Variants in HOXB6 observed in about 807,000 individuals in gnomAD.
The protein encoded by HOXB6 is homeobox B6, also known as homeobox protein Hox-B6.
In HOXB6, 18 loss-of-function variants were observed where a neutral mutation model predicts 24.2. That is an observed-to-expected ratio of 0.74 (90% CI 0.51 to 1.10). The LOEUF (loss-of-function observed/expected upper bound fraction) is 1.10. HOXB6 is among the 50% of genes least tolerant of loss of function. The pLI, the probability that HOXB6 is intolerant of heterozygous loss-of-function variation, is 0.00. For synonymous variants in HOXB6, 159 were observed against 139.1 expected (o/e 1.14, Z -1.01); for missense variants, 332 against 308.3 (o/e 1.08, Z -0.58).
chr17:48,597,014 C>T, intron 3 of HOXB6: 1 of 1,192,644 alleles, frequency 8.4e-7, no homozygotes, highest in Non-Finnish European at 1.1e-6. Flanking sequence ...ATCCCCCCAA[C>T]CCAATGATAA....
intron 3 of HOXB6, 127 bp downstream of exon 3, chr17:48,597,609 T>C (rs1195041814): frequency 4.9e-6 from 5 of 1,023,708 alleles, no homozygotes; most frequent in South Asian, 4.2e-5. Flanking sequence ...AATCTTCTTC[T>C]ATCTCCTAAC....
At position 48,596,172 on chromosome 17, in the gene HOXB6, G is replaced by A. The variant is rs542949818; in HGVS notation, c.*241C>T. On this transcript the variant is annotated 3_prime_UTR_variant, in exon 4 of 4. Coordinates refer to ENST00000225648, the MANE Select transcript of HOXB6 (RefSeq NM_018952.5). The surrounding 1 kb of genome is among the most constrained non-coding windows in gnomAD (Gnocchi z 4.8). ...CCAGGAAGCCTGATCAGGCTGAGGC[G>A]AGTTCCTCGGGAAGGAAGGGCGCGC... The A allele has an allele frequency of 1.4e-6, 1 of 690,508 alleles. No individual in the cohort carries two copies. The highest frequency in any genetic ancestry group is 2.8e-5 in the East Asian group (1 of 35,796). 42.8% of individuals were successfully genotyped at this position (690,508 alleles called of 1,614,324 possible). A position where few individuals can be genotyped will look rare whatever the true frequency, so the allele number is the denominator to read the frequency against.
At chr17:48,601,219 A>G (rs964443998) in intron 2 of HOXB6, among the ~76,000 whole-genome samples, 8 of 151,978 alleles carry the variant, frequency 5.3e-5, no homozygotes, top group Non-Finnish European at 2.9e-5. Flanking sequence ...GGGTTTGGGG[A>G]ACATAAATAA....
At position 48,597,819 on chromosome 17, in the gene HOXB6, T is replaced by C. The variant is rs2070348832; in HGVS notation, c.332A>G (p.Asp111Gly). 1.2e-6 allele frequency: 2 copies of C among 1,607,670 alleles called. No individual in the cohort carries two copies. The highest frequency in any genetic ancestry group is 1.3e-5 in the African/African-American group (1 of 74,872). Reference protein sequence around the residue: ...PEPRKSDCAQDKSVFGETEEQ... With the variant: ...PEPRKSDCAQGKSVFGETEEQ... ...TTCTGTCTCGCCGAACACGCTCTTG[T>C]CCTGCGCGCAGTCCGACTTCCGCGG... is the stretch of plus-strand genomic sequence containing the variant. The change falls in exon 3 of 4, where the codon GAC becomes GGC. Residue 111 changes from aspartate to glycine, a missense_variant. By Grantham distance (94) the Asp-to-Gly change is moderately conservative. Coordinates refer to ENST00000225648, the MANE Select transcript of HOXB6 (RefSeq NM_018952.5).
At chr17:48,597,665 C>G in intron 3 of HOXB6, 71 bp downstream of exon 3, 1 of 1,509,676 alleles carries the variant, frequency 6.6e-7, no homozygotes, top group Non-Finnish European at 9.1e-7. Context: ...GCAGGGGGCG[C>G]TCACTAGTTC....
chr17:48,602,264 G>C (rs1336006484), intron 2 of HOXB6: 1 of 455,786 alleles, frequency 2.2e-6, no homozygotes. Context: ...TGGAACTGAC[G>C]GGGCCGGCGC....
rs139172289 is a variant in HOXB6, at chr17:48,595,804, T to TATTATTATCATC, written c.*608_*609insGATGATAATAAT. Reference sequence around the variant, plus strand: ...TTGTTGTTGTTATTATTATTATTATTATCATCATCATCATCATCATCATCA... The same window carrying TATTATTATCATC: ...TTGTTGTTGTTATTATTATTATTATTATTATTATCATCATCATCATCATCATCATCATCATCA... On this transcript the variant is annotated 3_prime_UTR_variant, in exon 4 of 4. Coordinates refer to ENST00000225648, the MANE Select transcript of HOXB6 (RefSeq NM_018952.5). 1 of 190,232 alleles carries TATTATTATCATC rather than the reference T, an allele frequency of 5.3e-6. No homozygotes were observed. The highest frequency in any genetic ancestry group is 7.6e-5 in the South Asian group (1 of 13,240). 11.8% of individuals were successfully genotyped at this position (190,232 alleles called of 1,614,324 possible).
intron 2 of HOXB6, among the ~76,000 whole-genome samples, chr17:48,600,991 C>CGCGT (rs1555645437): frequency 1.4e-5 from 2 of 145,660 alleles, no homozygotes; most frequent in Non-Finnish European, 3.0e-5. Context: ...GGGATATTTG[C>CGCGT]GTGTGTGTGT....
chr17:48,597,934 C>G lies in HOXB6; in HGVS notation c.217G>C (p.Asp73His). Residue 73 changes from aspartate to histidine, a missense_variant, in exon 3 of 4, where the codon GAC becomes CAC. Coordinates refer to ENST00000225648, the MANE Select transcript of HOXB6 (RefSeq NM_018952.5). ...TAGAAGGCCGGCGCCGGCCCGTAGT[C>G]GCAGGGCGCCGCTCGGCCGTAGCCA... The part of the protein sequence containing the change: ...GGGYGRAAPC[D>H]YGPAPAFYRE... 1 of 1,572,364 alleles carries G rather than the reference C, an allele frequency of 6.4e-7. No individual in the cohort carries two copies. Among genetic ancestry groups the G allele is most frequent in the Non-Finnish European group, 8.6e-7 (1 of 1,159,260 alleles).
intron 2 of HOXB6, chr17:48,602,293 C>T (rs1178173838): frequency 6.7e-6 from 3 of 450,944 alleles, no homozygotes; most frequent in Non-Finnish European, 1.3e-5. Context: ...CGGGTCCCCT[C>T]CCTTGGCTGA....
In HOXB6 at chr17:48,597,839, C is replaced by T; in HGVS notation, c.312G>A (p.Arg104=). Residue 104 remains arginine, a synonymous_variant, in exon 3 of 4, where the codon CGG becomes CGA. Coordinates refer to ENST00000225648, the MANE Select transcript of HOXB6 (RefSeq NM_018952.5). ...DEQPPFHPEP[R]KSDCAQDKSV... ...TCTTGTCCTGCGCGCAGTCCGACTT[C>T]CGCGGCTCGGGGTGGAACGGGGGCT... 1 of 1,601,688 alleles carries T rather than the reference C, an allele frequency of 6.2e-7. No individual in the cohort carries two copies. The highest frequency in any genetic ancestry group is 8.5e-7 in the Non-Finnish European group (1 of 1,173,276).
rs1221090580 is a variant in HOXB6 at position 48,596,089 on chromosome 17, C to A, written c.*324G>T. The A allele has an allele frequency of 1.8e-6, 1 of 546,958 alleles. No homozygotes were observed. Among genetic ancestry groups the A allele is most frequent in the Admixed American group, 2.2e-5 (1 of 45,102 alleles). The allele number at this position is 546,958 out of a possible 1,614,324, so 33.9% of individuals were successfully genotyped here. Reference sequence around the variant, plus strand: ...TGGACAAAATGAGACGCGACAGGGACAAGAGCATTTTGCTCTGCTTCCAGG... The same window carrying A: ...TGGACAAAATGAGACGCGACAGGGAAAAGAGCATTTTGCTCTGCTTCCAGG... On this transcript the variant is annotated 3_prime_UTR_variant, in exon 4 of 4. Transcript: ENST00000225648. This position sits in a 1 kb window ranked among gnomAD's most constrained non-coding sequence, Gnocchi z 4.8.
chr17:48,596,523 G>T lies in HOXB6; in HGVS notation c.565C>A (p.Gln189Lys). 1.9e-6 allele frequency: 3 copies of T among 1,614,248 alleles called. No homozygotes were observed. The highest frequency in any genetic ancestry group is 2.5e-6 in the Non-Finnish European group (3 of 1,180,048). ...CGGTTCTGGAACCATATCTTGATCT[G>T]CCTCTCCGTCAGGCACAGGGCGTGC... ...IAHALCLTER[Q>K]IKIWFQNRRM... Residue 189 changes from glutamine to lysine, a missense_variant, in exon 4 of 4, where the codon CAG (glutamine) becomes AAG (lysine). By Grantham distance (53) the Gln-to-Lys change is moderately conservative (BLOSUM62 1). Coordinates refer to ENST00000225648, the MANE Select transcript of HOXB6 (RefSeq NM_018952.5). This position sits in a 1 kb window ranked among gnomAD's most constrained non-coding sequence, Gnocchi z 4.8.
rs1442040503 is a variant in HOXB6, at chr17:48,597,964, C to G, written c.187G>C (p.Gly63Arg). Residue 63 changes from glycine to arginine, a missense_variant, in exon 3 of 4, where the codon GGC (glycine) becomes CGC (arginine). By Grantham distance (125) the Gly-to-Arg change is moderately radical. Coordinates refer to ENST00000225648, the MANE Select transcript of HOXB6 (RefSeq NM_018952.5). ...GGCGCCGCTCGGCCGTAGCCACCGC[C>G]CGCCGGCGGGTAATAGGAGGAAGTG... ...FATSSYYPPA[G>R]GGYGRAAPCD... The G allele has an allele frequency of 1.3e-6, 2 of 1,580,040 alleles. No homozygotes were observed. The highest frequency in any genetic ancestry group is 1.7e-6 in the Non-Finnish European group (2 of 1,163,318).
At position 48,596,464 on chromosome 17, in the gene HOXB6, G is replaced by A. The variant is rs767655067; in HGVS notation, c.624C>T (p.Leu208=). 2.5e-6 allele frequency: 4 copies of A among 1,614,110 alleles called. No individual in the cohort carries two copies. In the African/African-American group the frequency reaches 4.0e-5, roughly 16 times the overall value. Residue 208 remains leucine (L), a synonymous_variant, in exon 4 of 4, where the codon CTC becomes CTT. Transcript: ENST00000225648. This position sits in a 1 kb window ranked among gnomAD's most constrained non-coding sequence, Gnocchi z 4.8. ...CCTCGGCACTGAGCTGAGACGCGCTGAGCAGTTTGCTCTCCTTTTTCCACT... is the reference window on the plus strand; with the variant it reads ...CCTCGGCACTGAGCTGAGACGCGCTAAGCAGTTTGCTCTCCTTTTTCCACT... ...RMKWKKESKL[L]SASQLSAEEE... is the part of the protein sequence containing the mutation.
chr17:48,601,887 G>C (rs956023997), intron 2 of HOXB6: 1 of 288,922 alleles, frequency 3.5e-6, no homozygotes, highest in African/African-American at 2.2e-5. Context: ...TCAGTAACCC[G>C]TGAGACAGGG....
chr17:48,596,682 A>G lies in HOXB6; in HGVS notation c.416-10T>C. The stretch of plus-strand genomic sequence containing the variant: ...GGCCCAAAGGAGGAACCTGTTACGC[A>G]GAGTGGAGATGCTGAGGCCTGCGGT... On this transcript the variant is annotated splice_polypyrimidine_tract_variant and intron_variant, in intron 3 of 3. Transcript: ENST00000225648. The surrounding 1 kb of genome is among the most constrained non-coding windows in gnomAD (Gnocchi z 4.8). The G allele has an allele frequency of 6.2e-7, 1 of 1,611,388 alleles. No individual in the cohort carries two copies. The highest frequency in any genetic ancestry group is 8.5e-7 in the Non-Finnish European group (1 of 1,180,010).
chr17:48,596,286 G>T lies in HOXB6; in HGVS notation c.*127C>A. ...GGCGTCCAGGAGAGCGCTGGGCCCC[G>T]CCTGTCTGCGCCGGAGAGCAGGTCT... On this transcript the variant is annotated 3_prime_UTR_variant, in exon 4 of 4. Transcript: ENST00000225648. This position sits in a 1 kb window ranked among gnomAD's most constrained non-coding sequence, Gnocchi z 4.8. The T allele has an allele frequency of 6.9e-7, 1 of 1,446,620 alleles. No individual in the cohort carries two copies. The highest frequency in any genetic ancestry group is 9.7e-7 in the Non-Finnish European group (1 of 1,035,790). The allele number at this position is 1,446,620 out of a possible 1,614,324, so 89.6% of individuals were successfully genotyped here. A position where few individuals can be genotyped will look rare whatever the true frequency, so the allele number is the denominator to read the frequency against.
In HOXB6 at chr17:48,596,951, G is replaced by C; in HGVS notation, c.416-279C>G. ...GGCTGGTCAGGTGTGTCTCTTCCTA[G>C]TTGCATCTTGTCTTTCCCTCCCTTT... On this transcript the variant is annotated intron_variant, in intron 3 of 3. Coordinates refer to ENST00000225648, the MANE Select transcript of HOXB6 (RefSeq NM_018952.5). This position sits in a 1 kb window ranked among gnomAD's most constrained non-coding sequence, Gnocchi z 4.8. 2.2e-6 allele frequency: 3 copies of C among 1,336,812 alleles called. No individual in the cohort carries two copies. Among genetic ancestry groups the C allele is most frequent in the Non-Finnish European group, 2.9e-6 (3 of 1,035,618 alleles). The allele number at this position is 1,336,812 out of a possible 1,614,324, so 82.8% of individuals were successfully genotyped here.
Sources: gnomAD v4.1 joint callset for allele counts (sites outside exome capture counted in the v4.1 genomes callset) on GRCh38, gnomAD v4.1.1 for gene constraint, Gnocchi (gnomAD v3.1) non-coding constraint, MANE v1.5 for transcripts, NCBI Gene and HGNC (gene_info 2026-07-23, HGNC 2026-07-21) for gene names.